Variants in CEP72 observed in about 807,000 individuals in gnomAD.
CEP72 encodes the protein centrosomal protein 72, also known as centrosomal protein of 72 kDa.
Under a neutral mutation model 65.7 loss-of-function variants are expected in CEP72, and 78 were observed. That is an observed-to-expected ratio of 1.19 (90% CI 0.99 to 1.43). The LOEUF (loss-of-function observed/expected upper bound fraction) is 1.43. CEP72 is among the 40% of genes most tolerant of loss of function. The pLI, the probability that CEP72 is intolerant of heterozygous loss-of-function variation, is 0.00. For synonymous variants in CEP72, 358 were observed against 351.7 expected (o/e 1.02, Z -0.20); for missense variants, 914 against 832.9 (o/e 1.10, Z -1.20).
chr5:641,578 C>T (rs188172690), intron 9 of CEP72: 26 of 984,974 alleles, frequency 2.6e-5, no homozygotes, highest in Middle Eastern at 5.2e-4. Context: ...ACGTGGCCCC[C>T]CCACCCCGCC....
rs202033008 is a variant in CEP72 at position 652,938 on chromosome 5, C to A, written c.1779-50C>A. The stretch of plus-strand genomic sequence containing the variant: ...CAGGCCCAGCAGGTGAGGGCCACAC[C>A]GCTGGAGAGGACGGAAGTGCCAAGC... On this transcript the variant is annotated intron_variant, in intron 11 of 11. Transcript: ENST00000264935. 23 of 1,529,512 alleles carry A rather than the reference C, an allele frequency of 1.5e-5. No individual in the cohort carries two copies. In the African/African-American group the frequency reaches 2.5e-4, roughly 16 times the overall value. 94.7% of individuals were successfully genotyped at this position (1,529,512 alleles called of 1,614,324 possible).
chr5:672,237 C>T, the CEP72 span, among the ~76,000 whole-genome samples: 3 of 152,190 alleles, frequency 2.0e-5, no homozygotes, highest in Admixed American at 6.5e-5. Context: ...CTCAGCAGCC[C>T]TCCACGCTCG....
chr5:620,320 G>A (rs1736305839), intron 3 of CEP72, 59 bp downstream of exon 3: 9 of 1,448,552 alleles, frequency 6.2e-6, no homozygotes, highest in East Asian at 2.3e-5. Context: ...GGGAGTCGGG[G>A]AGTCGTAGTG....
chr5:659,188 G>A (rs917420966), downstream of CEP72, among the ~76,000 whole-genome samples: 1 of 152,262 alleles, frequency 6.6e-6, no homozygotes, highest in Non-Finnish European at 1.5e-5. Context: ...CACCTCTGGG[G>A]TTGGTTCCTG....
At chr5:666,875 C>G (rs1385708468) in exon 5 of CEP72, 1 of 152,206 alleles carries the variant, frequency 6.6e-6, no homozygotes, top group Non-Finnish European at 1.5e-5. Context: ...TCTACCACAA[C>G]TAACCCAAAG....
intron 11 of CEP72, among the ~76,000 whole-genome samples, chr5:649,064 G>A (rs1738690449): frequency 6.9e-6 from 1 of 144,112 alleles, no homozygotes. Flanking sequence ...ACTGTGAGGT[G>A]TGGACTGTGA....
rs537801493 is a variant in CEP72 at position 651,848 on chromosome 5, C to T, written c.1779-1140C>T. On this transcript the variant is annotated intron_variant, in intron 11 of 11. Transcript: ENST00000264935. ...TCCCCCTTTCATTCCCTCTTCCTTT[C>T]CCCCGACCTCCCATTCCCGCTCCCT... Among the ~76,000 whole-genome samples the T allele has an allele frequency of 1.0e-4, 14 of 133,724 alleles. No homozygotes were observed. In the East Asian group the frequency reaches 3.3e-3, roughly 32 times the overall value. The allele number at this position is 133,724 out of a possible 152,430, so 87.7% of individuals were successfully genotyped here. A position where few individuals can be genotyped will look rare whatever the true frequency, so the allele number is the denominator to read the frequency against.
chr5:654,344 C>T (rs995363234), downstream of CEP72, among the ~76,000 whole-genome samples: 15 of 140,014 alleles, frequency 1.1e-4, 1 homozygote, highest in Non-Finnish European at 9.3e-5. Context: ...TGTGTGTGCG[C>T]GCACGCACCC....
intron 1 of CEP72, among the ~76,000 whole-genome samples, chr5:615,867 A>G (rs1241662181): frequency 6.6e-6 from 1 of 152,166 alleles, no homozygotes; most frequent in Non-Finnish European, 1.5e-5. Context: ...ACAAATTACA[A>G]TGTATTTATG....
At chr5:621,055 C>A (rs1265414073) in intron 3 of CEP72, among the ~76,000 whole-genome samples, 2 of 152,182 alleles carry the variant, frequency 1.3e-5, no homozygotes, top group Non-Finnish European at 2.9e-5. Flanking sequence ...CCTCAGTCCT[C>A]CTGTGTGAAG....
At chr5:670,135 G>T (rs1740160406), downstream of CEP72, among the ~76,000 whole-genome samples, 1 of 152,184 alleles carries the variant, frequency 6.6e-6, no homozygotes, top group Non-Finnish European at 1.5e-5. Flanking sequence ...CCCGGCCTGG[G>T]GCCTCCAGGA....
the CEP72 span, among the ~76,000 whole-genome samples, chr5:674,904 G>C: frequency 1.3e-5 from 2 of 151,784 alleles, no homozygotes; most frequent in African/African-American, 4.9e-5. Flanking sequence ...AGCAAGGCCT[G>C]TACTGCAGAG....
intron 11 of CEP72, among the ~76,000 whole-genome samples, chr5:652,276 T>C (rs1739161006): frequency 6.6e-6 from 1 of 152,204 alleles, no homozygotes; most frequent in African/African-American, 2.4e-5. Flanking sequence ...CATGCTGGCT[T>C]CATCCAGTCC....
intron 9 of CEP72, chr5:641,280 A>G: frequency 1.0e-6 from 1 of 985,426 alleles, no homozygotes; most frequent in Non-Finnish European, 1.2e-6. Context: ...TCCTTAGCAC[A>G]GGGAGCTGGT....
intron 4 of CEP72, among the ~76,000 whole-genome samples, chr5:625,733 G>A (rs1349562642): frequency 6.6e-6 from 1 of 152,128 alleles, no homozygotes; most frequent in Non-Finnish European, 1.5e-5. Flanking sequence ...AGCCGTGCGG[G>A]AGAAGCTGTT....
rs143364118 is a variant in CEP72, at chr5:624,305, G to T, written c.404-166G>T. 6.6e-6 allele frequency among the ~76,000 whole-genome samples: 1 copy of T among 152,208 alleles called. No homozygotes were observed. Among genetic ancestry groups the T allele is most frequent in the Non-Finnish European group, 1.5e-5 (1 of 68,030 alleles). On this transcript the variant is annotated intron_variant, in intron 3 of 11. Transcript: ENST00000264935. The surrounding 1 kb of genome is among the most constrained non-coding windows in gnomAD (Gnocchi z 4.7). Reference sequence around the variant, plus strand: ...CGGCCTCAGCACCACGCTGGGCATCGCCGGGAAGCTGTGGGACCACCAGAG... The same window carrying T: ...CGGCCTCAGCACCACGCTGGGCATCTCCGGGAAGCTGTGGGACCACCAGAG...
intron 1 of CEP72, chr5:662,955 C>T (rs1739710178): frequency 6.6e-6 from 1 of 151,566 alleles, no homozygotes; most frequent in Non-Finnish European, 1.4e-5. Context: ...CCGATGACTG[C>T]TCGTCTGTGA....
intron 9 of CEP72, chr5:643,062 T>TA (rs1738163235): frequency 2.0e-6 from 2 of 984,266 alleles, no homozygotes; most frequent in Non-Finnish European, 2.4e-6. Flanking sequence ...CTCCAAAAAA[T>TA]AAAAAATTAG....
At position 624,857 on chromosome 5, in the gene CEP72, C is replaced by T. The variant is rs889093500; in HGVS notation, c.512+278C>T. ...CAAAGGGCTTGTCCTGTCCCTTTCC[C>T]GGGGCTGGCAGCTCTCACGTCTGTG... On this transcript the variant is annotated intron_variant, in intron 4 of 11. Coordinates refer to ENST00000264935, the MANE Select transcript of CEP72 (RefSeq NM_018140.4). This position sits in a 1 kb window ranked among gnomAD's most constrained non-coding sequence, Gnocchi z 4.7. Among the ~76,000 whole-genome samples the T allele has an allele frequency of 3.9e-5, 6 of 152,210 alleles. No individual in the cohort carries two copies. The highest frequency in any genetic ancestry group is 7.2e-5 in the African/African-American group (3 of 41,452).
Sources: allele counts gnomAD v4.1 joint callset (sites outside exome capture counted in the v4.1 genomes callset), GRCh38; gene constraint gnomAD v4.1.1; non-coding constraint Gnocchi (gnomAD v3.1); transcripts MANE v1.5; gene names NCBI Gene and HGNC (gene_info 2026-07-23, HGNC 2026-07-21).